The following SUMF1 variants were observed in gnomAD, a reference collection of about 807,000 sequenced individuals.
SUMF1 encodes formylglycine-generating enzyme.
A neutral mutation model predicts 47.6 loss-of-function variants in SUMF1; 48 were observed. The observed-to-expected ratio is 1.01, with a 90% CI of 0.80 to 1.28. The LOEUF is 1.28. SUMF1 is among the 50% of genes most tolerant of loss of function. The pLI, the probability that SUMF1 is intolerant of heterozygous loss-of-function variation, is 0.00. For synonymous variants in SUMF1, 230 were observed against 192.1 expected (o/e 1.20, Z -1.63); for missense variants, 571 against 485.4 (o/e 1.18, Z -1.66).
At chr3:4,034,649 T>A (rs897916265) in intron 9 of SUMF1, among the ~76,000 whole-genome samples, 4 of 152,034 alleles carry the variant, frequency 2.6e-5, no homozygotes, top group Non-Finnish European at 5.9e-5. Context: ...CAGAGGTAAG[T>A]CAGGAGGCAT....
intron 8 of SUMF1, among the ~76,000 whole-genome samples, chr3:4,200,456 C>G (rs1233152912): frequency 1.3e-5 from 2 of 152,078 alleles, no homozygotes; most frequent in Non-Finnish European, 2.9e-5. Context: ...GGACACCCTT[C>G]TCCTACCCTT....
intron 8 of SUMF1, among the ~76,000 whole-genome samples, chr3:4,367,281 G>A (rs1700007005): frequency 6.6e-6 from 1 of 152,314 alleles, no homozygotes; most frequent in East Asian, 1.9e-4. Context: ...AGTCTGCAGA[G>A]GTTACTGCTA....
At chr3:4,419,815 G>T (rs912897700) in intron 4 of SUMF1, among the ~76,000 whole-genome samples, 1 of 152,208 alleles carries the variant, frequency 6.6e-6, no homozygotes, top group African/African-American at 2.4e-5. Flanking sequence ...ACTGGGAAGA[G>T]GCAACTCTTT....
intron 8 of SUMF1, among the ~76,000 whole-genome samples, chr3:4,371,756 T>A: frequency 6.6e-6 from 1 of 152,200 alleles, no homozygotes; most frequent in East Asian, 1.9e-4. Context: ...AGCAATCCTA[T>A]GAGATAGGCA....
At chr3:4,210,605 T>C (rs1348395028) in intron 8 of SUMF1, among the ~76,000 whole-genome samples, 1 of 152,156 alleles carries the variant, frequency 6.6e-6, no homozygotes, top group Admixed American at 6.5e-5. Flanking sequence ...AATTCCACAA[T>C]GCACAAAAAT....
chr3:4,149,830 G>C (rs545911033), intron 8 of SUMF1, among the ~76,000 whole-genome samples: 1 of 152,232 alleles, frequency 6.6e-6, no homozygotes, highest in East Asian at 1.9e-4. Flanking sequence ...GTGATGAATA[G>C]GGGCCAACGA....
chr3:4,091,129 C>A (rs1287795814), intron 8 of SUMF1, among the ~76,000 whole-genome samples: 1 of 151,810 alleles, frequency 6.6e-6, no homozygotes, highest in Non-Finnish European at 1.5e-5. Flanking sequence ...CATTTTGGGT[C>A]TTTAAGTAGA....
chr3:4,300,993 A>G (rs368172392), intron 8 of SUMF1, among the ~76,000 whole-genome samples: 2 of 112,470 alleles, frequency 1.8e-5, no homozygotes, highest in African/African-American at 7.3e-5. Flanking sequence ...CTATCTATCT[A>G]TCTCCCCACC....
chr3:4,238,871 T>C (rs1161036896), intron 8 of SUMF1, among the ~76,000 whole-genome samples: 3 of 152,170 alleles, frequency 2.0e-5, no homozygotes, highest in Non-Finnish European at 2.9e-5. Context: ...CTGAATGGTA[T>C]TGCCCAGGTT....
At position 4,465,825 on chromosome 3, in the gene SUMF1, A is replaced by C. The variant is rs570296909; in HGVS notation, c.270+1151T>G. The stretch of plus-strand genomic sequence containing the variant: ...CTTTAATAATTGTTATGTCAGAATA[A>C]ACACATAACTACTGAGGCAGGATAC... On this transcript the variant is annotated intron_variant, in intron 1 of 8. Coordinates refer to ENST00000272902, the MANE Select transcript of SUMF1 (RefSeq NM_182760.4). 7.0e-4 allele frequency among the ~76,000 whole-genome samples: 107 copies of C among 152,324 alleles called. 2 individuals carry two copies. In the South Asian group the frequency reaches 0.021, roughly 30 times the overall value.
chr3:4,203,807 A>T (rs1319610070), intron 8 of SUMF1, among the ~76,000 whole-genome samples: 1 of 151,816 alleles, frequency 6.6e-6, no homozygotes, highest in Non-Finnish European at 1.5e-5. Context: ...AACATCTTGT[A>T]ACTCATTATT....
chr3:4,195,540 G>T (rs1031869575), intron 8 of SUMF1, among the ~76,000 whole-genome samples: 3 of 152,112 alleles, frequency 2.0e-5, no homozygotes, highest in African/African-American at 7.2e-5. Flanking sequence ...ATTTAAATGG[G>T]AAAATGTAGA....
chr3:4,248,163 C>G (rs889154585), intron 8 of SUMF1, among the ~76,000 whole-genome samples: 2 of 152,156 alleles, frequency 1.3e-5, no homozygotes, highest in South Asian at 4.2e-4. Flanking sequence ...CAGTGATGCT[C>G]TAGCCATTGA....
Position 4,411,142 on chromosome 3 carries a change from A to AT in SUMF1, c.841-165dup, listed in dbSNP as rs369666861. On this transcript the variant is annotated intron_variant, in intron 6 of 8. Transcript: ENST00000272902. ...CCAACATAAAGACAAAGAAAGGGGC[A>AT]TTTTTTTTTTGGCTTTGAGCTCTTA... 0.011 allele frequency among the ~76,000 whole-genome samples: 1,671 copies of AT among 149,518 alleles called. 24 individuals are homozygous for AT. The highest frequency in any genetic ancestry group is 0.055 in the Middle Eastern group (16 of 290).
At chr3:4,316,262 C>G (rs1224420743) in intron 8 of SUMF1, 1 of 820,024 alleles carries the variant, frequency 1.2e-6, no homozygotes, top group African/African-American at 1.7e-5. Context: ...TTTTCTTATT[C>G]GAGTTCAAAA....
At chr3:4,298,100 G>C (rs1384058595) in intron 8 of SUMF1, among the ~76,000 whole-genome samples, 1 of 152,032 alleles carries the variant, frequency 6.6e-6, no homozygotes, top group Admixed American at 6.5e-5. Flanking sequence ...AAATCCAAAA[G>C]AAATCTGAAT....
intron 8 of SUMF1, among the ~76,000 whole-genome samples, chr3:4,169,552 G>C (rs540106418): frequency 2.0e-5 from 3 of 152,290 alleles, no homozygotes; most frequent in African/African-American, 7.2e-5. Flanking sequence ...GCATGCCCTT[G>C]CAGACACCTA....
At position 4,273,378 on chromosome 3, in the gene SUMF1, G is replaced by A. The variant is rs114522125; in HGVS notation, c.1014+102952C>T. Among the ~76,000 whole-genome samples, 979 of 152,108 alleles carry A rather than the reference G, an allele frequency of 6.4e-3. 14 individuals carry two copies. The highest frequency in any genetic ancestry group is 0.022 in the African/African-American group (931 of 41,516). On this transcript the variant is annotated intron_variant and NMD_transcript_variant, in intron 8 of 12. Coordinates refer to the SUMF1 transcript ENST00000448413. ...AAAGTACTGATACATGCTACAACATGAATGAACTTCAAAATATGCTTTAAA... is the reference window on the plus strand; with the variant it reads ...AAAGTACTGATACATGCTACAACATAAATGAACTTCAAAATATGCTTTAAA...
intron 8 of SUMF1, among the ~76,000 whole-genome samples, chr3:4,226,710 T>C (rs1220733516): frequency 6.6e-6 from 1 of 152,088 alleles, no homozygotes; most frequent in Admixed American, 6.6e-5. Context: ...AGTTACTCTA[T>C]AAGCAGAGGA....
Sources: allele counts gnomAD v4.1 joint callset (sites outside exome capture counted in the v4.1 genomes callset), GRCh38; gene constraint gnomAD v4.1.1; transcripts MANE v1.5; gene names NCBI Gene and HGNC (gene_info 2026-07-23, HGNC 2026-07-21).